Variants in SPEF2 observed in about 807,000 individuals in gnomAD.
The protein encoded by SPEF2 is sperm flagella and cilia-associated protein 2.
SPEF2 carries 187 observed loss-of-function variants against 224.6 expected under a neutral mutation model. The observed-to-expected ratio is 0.83, with a 90% CI of 0.74 to 0.94. SPEF2 has a LOEUF of 0.94. Among genes scored for constraint, SPEF2 ranks in the 40% least tolerant of loss-of-function variants. SPEF2 has a pLI of 0.00. For synonymous variants in SPEF2, 715 were observed against 707.3 expected (o/e 1.01, Z -0.17); for missense variants, 2,170 against 2,135.6 (o/e 1.02, Z -0.32).
intron 21 of SPEF2, among the ~76,000 whole-genome samples, chr5:35,734,575 T>G (rs1580501378): frequency 6.6e-6 from 1 of 152,198 alleles, no homozygotes; most frequent in East Asian, 1.9e-4. Flanking sequence ...TTGGACAAGC[T>G]TGCCCTAAAT....
chr5:35,729,411 G>A (rs937723116), intron 21 of SPEF2, among the ~76,000 whole-genome samples: 12 of 152,152 alleles, frequency 7.9e-5, no homozygotes, highest in Admixed American at 3.9e-4. Context: ...CTGCAAACAG[G>A]AGCAGAAAAA....
chr5:35,686,258 G>C (rs148836103), intron 10 of SPEF2, among the ~76,000 whole-genome samples: 1 of 151,894 alleles, frequency 6.6e-6, no homozygotes, highest in Non-Finnish European at 1.5e-5. Context: ...AATATTTTGG[G>C]GTTTTTGAAG....
chr5:35,720,135 A>G (rs1743350440), intron 20 of SPEF2, among the ~76,000 whole-genome samples: 1 of 152,246 alleles, frequency 6.6e-6, no homozygotes, highest in African/African-American at 2.4e-5. Context: ...GCAAACAACT[A>G]TATTTCCATA....
At chr5:35,683,275 T>G (rs975897624) in intron 10 of SPEF2, among the ~76,000 whole-genome samples, 6 of 151,986 alleles carry the variant, frequency 3.9e-5, no homozygotes, top group Non-Finnish European at 8.8e-5. Flanking sequence ...GATACTATGG[T>G]TCCAGGAATT....
chr5:35,705,738 A>C lies in SPEF2; in HGVS notation c.2595A>C (p.Ile865=). Residue 865 remains isoleucine, a synonymous_variant, in exon 18 of 37, where the codon ATA becomes ATC. Transcript: ENST00000356031. The part of the protein sequence containing the change: ...ENILIKINAE[I]DKESLCEKVK... ...TTTTGATAAAAATCAATGCTGAAAT[A>C]GATAAGGAATCTTTATGTGAAAAAG... The C allele has an allele frequency of 1.3e-6, 2 of 1,574,124 alleles. No individual in the cohort carries two copies. Among genetic ancestry groups the C allele is most frequent in the South Asian group, 1.2e-5 (1 of 85,576 alleles).
chr5:35,761,352 C>A (rs938047189), intron 25 of SPEF2, among the ~76,000 whole-genome samples: 2 of 152,116 alleles, frequency 1.3e-5, no homozygotes, highest in Non-Finnish European at 2.9e-5. Flanking sequence ...ATCTACAAAG[C>A]ATTTAGTACC....
At chr5:35,630,244 A>T (rs553565909) in intron 2 of SPEF2, among the ~76,000 whole-genome samples, 2 of 152,058 alleles carry the variant, frequency 1.3e-5, no homozygotes, top group African/African-American at 4.8e-5. Context: ...TGGATCTACC[A>T]TTCTGGTTTC....
intron 21 of SPEF2, among the ~76,000 whole-genome samples, chr5:35,731,521 A>C (rs1244147201): frequency 7.1e-6 from 1 of 140,626 alleles, no homozygotes; most frequent in Non-Finnish European, 1.6e-5. Context: ...TGGATTTTTT[A>C]GTATTGATAG....
At chr5:35,633,680 T>C (rs1206425424) in intron 2 of SPEF2, among the ~76,000 whole-genome samples, 1 of 151,998 alleles carries the variant, frequency 6.6e-6, no homozygotes, top group Non-Finnish European at 1.5e-5. Context: ...GTATATGTCT[T>C]ATGTCTTTTT....
chr5:35,796,469 G>A (rs1285902297), intron 33 of SPEF2, among the ~76,000 whole-genome samples: 5 of 151,848 alleles, frequency 3.3e-5, no homozygotes, highest in East Asian at 1.9e-4. Context: ...AAAATTAGCC[G>A]GGTGCAGTGG....
intron 23 of SPEF2, among the ~76,000 whole-genome samples, chr5:35,746,366 T>G (rs746710255): frequency 2.6e-5 from 4 of 152,112 alleles, no homozygotes; most frequent in Non-Finnish European, 5.9e-5. Flanking sequence ...GTTATTAAGC[T>G]AATCAGGGAG....
intron 10 of SPEF2, among the ~76,000 whole-genome samples, chr5:35,688,889 A>C (rs1217384446): frequency 6.6e-6 from 1 of 152,160 alleles, no homozygotes; most frequent in African/African-American, 2.4e-5. Context: ...TGTTAATATT[A>C]TGTTGATTTT....
At chr5:35,698,715 G>T (rs894137589) in intron 15 of SPEF2, 2 of 152,168 alleles carry the variant, frequency 1.3e-5, no homozygotes, top group Non-Finnish European at 2.9e-5. Context: ...TCGTTTTTCT[G>T]TAAGGAAAGG....
intron 3 of SPEF2, among the ~76,000 whole-genome samples, chr5:35,644,099 A>T (rs899369388): frequency 6.6e-6 from 1 of 152,154 alleles, no homozygotes; most frequent in Admixed American, 6.6e-5. Context: ...TGAAAATTTA[A>T]CTCAGTGTAA....
intron 23 of SPEF2, 135 bp downstream of exon 23, chr5:35,740,402 T>A: frequency 8.4e-7 from 1 of 1,186,254 alleles, no homozygotes; most frequent in Non-Finnish European, 1.2e-6. Flanking sequence ...ATTAACCAGG[T>A]AACTTTCAAG....
chr5:35,783,659 A>T (rs920831411), intron 30 of SPEF2, among the ~76,000 whole-genome samples: 34 of 152,324 alleles, frequency 2.2e-4, no homozygotes, highest in African/African-American at 7.7e-4. Flanking sequence ...CTTCCAAAAA[A>T]ATGTACACCA....
rs749861228 is a variant in SPEF2 at position 35,709,067 on chromosome 5, C to A, written c.2785C>A (p.His929Asn). The A allele has an allele frequency of 3.1e-6, 5 of 1,613,814 alleles. No homozygotes were observed. The highest frequency in any genetic ancestry group is 4.2e-6 in the Non-Finnish European group (5 of 1,179,972). The change falls in exon 19 of 37, where the codon CAT (histidine) becomes AAT (asparagine). Residue 929 changes from histidine to asparagine, a missense_variant. By Grantham distance (68) the His-to-Asn change is moderately conservative. Coordinates refer to ENST00000356031, the MANE Select transcript of SPEF2 (RefSeq NM_024867.4). ...TGAACCAGAAAAAGAGAAGGAAATT[C>A]ATCAAAGCCATGTGGCTTCAAAAAC... is the stretch of plus-strand genomic sequence containing the variant. ...PPEPEKEKEIHQSHVASKTPT... is the reference protein window; with the variant it reads ...PPEPEKEKEINQSHVASKTPT...
chr5:35,674,515 T>TCTCC lies in SPEF2; in HGVS notation c.1524+4294_1524+4297dup, dbSNP rs367741665. 8.6e-3 allele frequency among the ~76,000 whole-genome samples: 1,202 copies of TCTCC among 139,988 alleles called. 15 individuals carry two copies. Among genetic ancestry groups the TCTCC allele is most frequent in the South Asian group, 0.019 (74 of 3,818 alleles). The allele number at this position is 139,988 out of a possible 152,430, so 91.8% of individuals were successfully genotyped here. On this transcript the variant is annotated intron_variant, in intron 10 of 36. Transcript: ENST00000356031. The stretch of plus-strand genomic sequence containing the variant: ...TAACATTAGGTATATCTCCTAATGC[T>TCTCC]CTCCCTCCCCCCTCCCCCGACCCCA...
intron 20 of SPEF2, among the ~76,000 whole-genome samples, chr5:35,714,330 C>A (rs1287038205): frequency 6.6e-6 from 1 of 151,316 alleles, no homozygotes; most frequent in East Asian, 1.9e-4. Context: ...CCACTCCCTG[C>A]TTTTTTAAAG....
Sources: allele counts gnomAD v4.1 joint callset (sites outside exome capture counted in the v4.1 genomes callset), GRCh38; gene constraint gnomAD v4.1.1; transcripts MANE v1.5; gene names NCBI Gene and HGNC (gene_info 2026-07-23, HGNC 2026-07-21).